The following DPP6 variants were observed in gnomAD, a reference collection of about 807,000 sequenced individuals.
DPP6 encodes the protein A-type potassium channel modulatory protein DPP6.
In DPP6, 69 loss-of-function variants were observed where a neutral mutation model predicts 122.6. The observed-to-expected ratio is 0.56, with a 90% CI of 0.46 to 0.69. DPP6 has a LOEUF of 0.69. Among genes scored for constraint, DPP6 ranks in the 30% least tolerant of loss-of-function variants. DPP6 has a pLI of 0.00. For synonymous variants in DPP6, 418 were observed against 433.1 expected (o/e 0.97, Z 0.43); for missense variants, 928 against 1,116.9 (o/e 0.83, Z 2.41).
intron 16 of DPP6, among the ~76,000 whole-genome samples, chr7:154,826,619 G>C (rs566580251): frequency 6.6e-6 from 1 of 152,138 alleles, no homozygotes; most frequent in Non-Finnish European, 1.5e-5. Context: ...CCTTCTCCTC[G>C]GCACTGTTGT....
chr7:154,058,485 G>GA (rs1191775276), intron 1 of DPP6: 1 of 140,034 alleles, frequency 7.1e-6, no homozygotes, highest in Non-Finnish European at 1.6e-5. Flanking sequence ...TAGGGGGGGG[G>GA]AGGCACCCTC....
At chr7:153,877,373 C>G in the DPP6 span, among the ~76,000 whole-genome samples, 2 of 152,094 alleles carry the variant, frequency 1.3e-5, no homozygotes, top group African/African-American at 4.8e-5. Context: ...TTAAGACACA[C>G]ACACAATTTT....
chr7:154,430,598 T>C lies in DPP6; in HGVS notation c.244-15616T>C, dbSNP rs1411090451. 3.3e-5 allele frequency among the ~76,000 whole-genome samples: 5 copies of C among 152,134 alleles called. No individual in the cohort carries two copies. In the South Asian group the frequency reaches 8.3e-4, roughly 25 times the overall value. On this transcript the variant is annotated intron_variant, in intron 1 of 25. Transcript: ENST00000377770. ...ATTGGGGAGTTAGGATTTCATTGTATGAATCTGGGGAGACACAAACATTCA... is the reference window on the plus strand; with the variant it reads ...ATTGGGGAGTTAGGATTTCATTGTACGAATCTGGGGAGACACAAACATTCA...
chr7:154,782,725 G>A (rs571221141), intron 10 of DPP6, among the ~76,000 whole-genome samples: 1 of 152,098 alleles, frequency 6.6e-6, no homozygotes, highest in African/African-American at 2.4e-5. Flanking sequence ...CCCACCCCCA[G>A]AGTTTCAGAT....
At chr7:153,792,328 G>A in the DPP6 span, among the ~76,000 whole-genome samples, 8 of 152,320 alleles carry the variant, frequency 5.3e-5, no homozygotes, top group African/African-American at 1.7e-4. Context: ...AATTTGGAGA[G>A]AATCAACATC....
At chr7:154,565,387 TCCC>T (rs1359474989) in intron 4 of DPP6, among the ~76,000 whole-genome samples, 1 of 152,154 alleles carries the variant, frequency 6.6e-6, no homozygotes, top group Non-Finnish European at 1.5e-5. Context: ...TTAAAGTATA[TCCC>T]AAGGTGTGCA....
At chr7:154,157,696 G>A (rs1796755036) in intron 1 of DPP6, among the ~76,000 whole-genome samples, 1 of 152,236 alleles carries the variant, frequency 6.6e-6, no homozygotes, top group East Asian at 1.9e-4. Context: ...CACTTTGGGA[G>A]GCCGAGGCAG....
intron 1 of DPP6, among the ~76,000 whole-genome samples, chr7:154,060,515 G>C (rs1379603497): frequency 7.1e-6 from 1 of 140,024 alleles, no homozygotes; most frequent in Non-Finnish European, 1.5e-5. Context: ...CCCACCTGGA[G>C]GACTGCGGGT....
rs568035463 is a variant in DPP6 at position 154,086,685 on chromosome 7, C to A, written c.243+33622C>A. Among the ~76,000 whole-genome samples, 165 of 149,086 alleles carry A rather than the reference C, an allele frequency of 1.1e-3. 1 individual carries two copies. The highest frequency in any genetic ancestry group is 4.0e-3 in the African/African-American group (161 of 40,556). The stretch of plus-strand genomic sequence containing the variant: ...CCAGGCTGGAGTGCAGTGGCACAAT[C>A]TCGGCTCACTGCAACCTCTGCCTCC... On this transcript the variant is annotated intron_variant, in intron 1 of 25. Coordinates refer to ENST00000377770, the MANE Select transcript of DPP6 (RefSeq NM_130797.4).
At chr7:153,851,088 T>C in the DPP6 span, among the ~76,000 whole-genome samples, 3 of 152,226 alleles carry the variant, frequency 2.0e-5, no homozygotes, top group South Asian at 6.2e-4. Flanking sequence ...CCCGACAATG[T>C]CTAGTGCTGA....
chr7:154,671,509 G>A (rs925506527), intron 7 of DPP6, among the ~76,000 whole-genome samples: 2 of 149,184 alleles, frequency 1.3e-5, no homozygotes, highest in African/African-American at 5.0e-5. Context: ...GTGGACTCCT[G>A]CCTCATTGTC....
intron 1 of DPP6, among the ~76,000 whole-genome samples, chr7:154,183,249 C>T (rs59745495): frequency 0.02 from 3,010 of 152,268 alleles, 183 homozygotes; most frequent in East Asian, 0.14. Flanking sequence ...ATGACTTTCA[C>T]TGCCCTAAAA....
the DPP6 span, among the ~76,000 whole-genome samples, chr7:153,866,511 G>A: frequency 2.0e-5 from 3 of 151,934 alleles, no homozygotes; most frequent in Non-Finnish European, 2.9e-5. Context: ...TTTTTTTCTT[G>A]TAAATTTGTT....
chr7:154,551,623 C>T (rs1829643599), intron 4 of DPP6, among the ~76,000 whole-genome samples: 1 of 152,114 alleles, frequency 6.6e-6, no homozygotes, highest in South Asian at 2.1e-4. Flanking sequence ...TAGAAAAAAA[C>T]TTGTTGGATC....
intron 1 of DPP6, among the ~76,000 whole-genome samples, chr7:153,900,292 G>A (rs956018587): frequency 1.3e-5 from 2 of 150,004 alleles, no homozygotes; most frequent in Non-Finnish European, 3.0e-5. Flanking sequence ...CCCTAAAGCT[G>A]CTTTCAGATT....
chr7:153,781,839 G>T, the DPP6 span, among the ~76,000 whole-genome samples: 2 of 151,982 alleles, frequency 1.3e-5, no homozygotes, highest in Non-Finnish European at 2.9e-5. Context: ...TCATCTTAAA[G>T]ATATTTGAAT....
the DPP6 span, among the ~76,000 whole-genome samples, chr7:153,864,736 T>C: frequency 6.7e-6 from 1 of 149,678 alleles, no homozygotes; most frequent in Admixed American, 6.7e-5. Flanking sequence ...CTTGGGGAAC[T>C]TTTAACAGGG....
In DPP6 at chr7:153,957,377, G is replaced by T. The variant is rs538399948; in HGVS notation, c.51+69643G>T. ...AAAACAAGGCACTGTGGTGCCTGTTGTATAGATGAGAGAGCATAGGCTTGG... is the reference window on the plus strand; with the variant it reads ...AAAACAAGGCACTGTGGTGCCTGTTTTATAGATGAGAGAGCATAGGCTTGG... On this transcript the variant is annotated intron_variant, in intron 1 of 25. Transcript: ENST00000404039. Among the ~76,000 whole-genome samples the T allele has an allele frequency of 1.2e-3, 190 of 152,328 alleles. 1 individual carries two copies. Among genetic ancestry groups the T allele is most frequent in the African/African-American group, 4.5e-3 (186 of 41,580 alleles).
At chr7:153,798,257 A>G in the DPP6 span, among the ~76,000 whole-genome samples, 1 of 152,204 alleles carries the variant, frequency 6.6e-6, no homozygotes, top group Non-Finnish European at 1.5e-5. Context: ...AAGGTTAGGG[A>G]TTCAATATAC....
Sources: allele counts gnomAD v4.1 joint callset (sites outside exome capture counted in the v4.1 genomes callset), GRCh38; gene constraint gnomAD v4.1.1; transcripts MANE v1.5; gene names NCBI Gene and HGNC (gene_info 2026-07-23, HGNC 2026-07-21).